Variants in ARID4A observed in about 807,000 individuals in gnomAD.
The protein encoded by ARID4A is AT-rich interactive domain-containing protein 4A.
ARID4A carries 39 observed loss-of-function variants against 148.6 expected under a neutral mutation model. The ratio of observed to expected loss-of-function variants is 0.26; its 90% CI spans 0.20 to 0.34. The LOEUF (loss-of-function observed/expected upper bound fraction) is 0.34. ARID4A is among the 10% of genes least tolerant of loss of function. ARID4A has a pLI of 1.00. For synonymous variants in ARID4A, 475 were observed against 481.2 expected, an observed-to-expected ratio of 0.99 and a Z score of 0.17; for missense variants, 1,265 against 1,449.1, an observed-to-expected ratio of 0.87 and a Z score of 2.06.
At position 58,353,744 on chromosome 14, in the gene ARID4A, T is replaced by C. The variant is rs2140247166; in HGVS notation, c.1742T>C (p.Val581Ala). The change falls in exon 17 of 24, where the codon GTA (valine) becomes GCA (alanine). Residue 581 changes from valine to alanine, a missense_variant. Physicochemically the swap from Val to Ala is moderately conservative, Grantham distance 64. Transcript: ENST00000355431. ...TGCCTAACAGGAACCAAAGTGAAAG[T>C]AAAATATGGACGAGGGAAGACTCAG... ...EPCLTGTKVKVKYGRGKTQKI... is the reference protein window; with the variant it reads ...EPCLTGTKVKAKYGRGKTQKI... 6.2e-7 allele frequency: 1 copy of C among 1,613,956 alleles called. No individual in the cohort carries two copies. Among genetic ancestry groups the C allele is most frequent in the Non-Finnish European group, 8.5e-7 (1 of 1,179,950 alleles).
At chr14:58,299,146 C>T (rs1262756645) in intron 1 of ARID4A, among the ~76,000 whole-genome samples, 2 of 152,208 alleles carry the variant, frequency 1.3e-5, no homozygotes, top group South Asian at 2.1e-4. Context: ...GGTGCGGCTC[C>T]CCTCCCCTCC....
intron 8 of ARID4A, among the ~76,000 whole-genome samples, chr14:58,327,612 G>C (rs904121986): frequency 3.6e-4 from 54 of 151,574 alleles, no homozygotes; most frequent in African/African-American, 1.3e-3. Context: ...TTATTTTTTG[G>C]ACAATAATTT....
intron 15 of ARID4A, among the ~76,000 whole-genome samples, chr14:58,350,413 T>TA (rs2034582201): frequency 6.6e-6 from 1 of 152,152 alleles, no homozygotes; most frequent in South Asian, 2.1e-4. Context: ...ACCTAGGAGA[T>TA]AGTGAAATTG....
chr14:58,305,192 T>G (rs2031506522), intron 4 of ARID4A, among the ~76,000 whole-genome samples, 183 bp downstream of exon 4: 1 of 152,184 alleles, frequency 6.6e-6, no homozygotes, highest in African/African-American at 2.4e-5. Flanking sequence ...CTGTTTTAGA[T>G]ACTAAACATC....
chr14:58,367,572 T>C (rs111660544), intron 23 of ARID4A, among the ~76,000 whole-genome samples: 12 of 152,340 alleles, frequency 7.9e-5, no homozygotes, highest in African/African-American at 2.9e-4. Context: ...TGGAACAGTG[T>C]GTACCCTGAG....
At chr14:58,318,396 C>T (rs1348112704) in intron 5 of ARID4A, 146 bp from the exon 6 acceptor site, 2 of 785,440 alleles carry the variant, frequency 2.5e-6, no homozygotes, top group Non-Finnish European at 4.1e-6. Context: ...GCATGGTATG[C>T]TCATTGTAAA....
chr14:58,323,672 G>T, intron 8 of ARID4A, 55 bp downstream of exon 8: 1 of 1,473,446 alleles, frequency 6.8e-7, no homozygotes, highest in Non-Finnish European at 9.3e-7. Context: ...TGTTTTAAAT[G>T]GATTTTTTTA....
At chr14:58,362,315 G>A (rs1376860938) in intron 19 of ARID4A, among the ~76,000 whole-genome samples, 3 of 152,052 alleles carry the variant, frequency 2.0e-5, no homozygotes, top group Non-Finnish European at 4.4e-5. Context: ...TAGGCTGAGT[G>A]CAGTGGTTCA....
At position 58,363,857 on chromosome 14, in the gene ARID4A, A is replaced by G. The variant is rs561856571; in HGVS notation, c.2081-313A>G. On this transcript the variant is annotated intron_variant, in intron 19 of 23. Coordinates refer to ENST00000355431, the MANE Select transcript of ARID4A (RefSeq NM_002892.4). ...AACTTCATGTCTAGGATGTCTAGGT[A>G]CTAATCTTTTGATCTTTTTTAAGGA... Among the ~76,000 whole-genome samples the G allele has an allele frequency of 2.6e-5, 4 of 152,294 alleles. No individual in the cohort carries two copies. The South Asian group carries it at 8.3e-4, about 32-fold the overall frequency.
At chr14:58,345,851 C>T (rs1030721575) in intron 12 of ARID4A, among the ~76,000 whole-genome samples, 23 of 150,130 alleles carry the variant, frequency 1.5e-4, no homozygotes, top group African/African-American at 5.4e-4. Context: ...CCACCTCAGG[C>T]TCCCAAGTAC....
At position 58,364,589 on chromosome 14, in the gene ARID4A, G is replaced by A; in HGVS notation, c.2500G>A (p.Asp834Asn). 6.2e-7 allele frequency: 1 copy of A among 1,612,956 alleles called. No individual in the cohort carries two copies. The highest frequency in any genetic ancestry group is 8.5e-7 in the Non-Finnish European group (1 of 1,179,784). ...EAHSLELSSL[D>N]NKNFSSATED... ...TCATAGTCTTGAATTGTCTTCATTA[G>A]ACAATAAAAACTTTTCTTCTGCTAC... Residue 834 changes from aspartate to asparagine, a missense_variant, in exon 20 of 24, where the codon GAC becomes AAC. Physicochemically the swap from Asp to Asn is conservative, Grantham distance 23. This residue lies in a region of ARID4A where 666 missense variants were observed against 730.9 expected (regional missense o/e 0.91). Transcript: ENST00000355431.
At chr14:58,305,861 A>T (rs1250714712) in intron 4 of ARID4A, among the ~76,000 whole-genome samples, 161 bp from the exon 5 acceptor site, 1 of 152,238 alleles carries the variant, frequency 6.6e-6, no homozygotes, top group Non-Finnish European at 1.5e-5. Context: ...AAATTGCATA[A>T]TAAATAGATA....
intron 23 of ARID4A, among the ~76,000 whole-genome samples, chr14:58,368,748 C>T (rs981735747): frequency 6.6e-5 from 10 of 152,076 alleles, no homozygotes; most frequent in Admixed American, 1.3e-4. Context: ...CAAGTCTAAA[C>T]ACAAAATTCA....
chr14:58,311,694 A>G (rs1210326131), intron 5 of ARID4A, among the ~76,000 whole-genome samples: 2 of 152,224 alleles, frequency 1.3e-5, no homozygotes, highest in East Asian at 1.9e-4. Context: ...TTAAGTCTCT[A>G]TGAGCAGATG....
intron 8 of ARID4A, among the ~76,000 whole-genome samples, chr14:58,323,896 CTTTTTTT>C (rs545318449): frequency 3.6e-4 from 37 of 104,204 alleles, no homozygotes; most frequent in Middle Eastern, 5.2e-3. Context: ...CTTAGGTTCC[CTTTTTTT>C]TTTTTTTTTT....
intron 5 of ARID4A, among the ~76,000 whole-genome samples, chr14:58,316,894 T>C (rs1033500542): frequency 7.5e-6 from 1 of 132,604 alleles, no homozygotes; most frequent in South Asian, 2.6e-4. Context: ...AGTATGATTT[T>C]TTAAAATATG....
intron 7 of ARID4A, among the ~76,000 whole-genome samples, chr14:58,322,893 G>T (rs974055457): frequency 2.1e-5 from 3 of 146,320 alleles, no homozygotes; most frequent in African/African-American, 7.6e-5. Context: ...ACCCCAGGAG[G>T]CAGAGGTTGC....
intron 15 of ARID4A, among the ~76,000 whole-genome samples, chr14:58,348,457 A>T (rs995812124): frequency 6.6e-6 from 1 of 152,196 alleles, no homozygotes; most frequent in Non-Finnish European, 1.5e-5. Flanking sequence ...ACTAGATGAT[A>T]TCTTGTCTTT....
At chr14:58,329,852 A>G (rs1311025012) in intron 10 of ARID4A, 151 bp from the exon 11 acceptor site, 31 of 1,292,600 alleles carry the variant, frequency 2.4e-5, no homozygotes, top group African/African-American at 3.0e-5. Context: ...ATATAACATT[A>G]TAACTTATGA....
Sources: allele counts gnomAD v4.1 joint callset (sites outside exome capture counted in the v4.1 genomes callset), GRCh38; gene constraint gnomAD v4.1.1; regional missense constraint gnomAD v4.1.1; transcripts MANE v1.5; gene names NCBI Gene and HGNC (gene_info 2026-07-23, HGNC 2026-07-21).